Variants in MYO16 observed in about 807,000 individuals in gnomAD.
MYO16 encodes the protein unconventional myosin-XVI.
In MYO16, 94 loss-of-function variants were observed where a neutral mutation model predicts 205.3. The observed-to-expected ratio is 0.46, with a 90% confidence interval of 0.39 to 0.54. The LOEUF is 0.54. Among genes scored for constraint, MYO16 ranks in the 20% least tolerant of loss-of-function variants. MYO16 has a pLI of 0.00. For missense variants in MYO16, 2,315 were observed against 2,387.5 expected (o/e 0.97, Z 0.63); for synonymous variants, 988 against 954.0 (o/e 1.04, Z -0.66).
At chr13:108,563,504 C>T in the MYO16 span, among the ~76,000 whole-genome samples, 36 of 152,142 alleles carry the variant, frequency 2.4e-4, no homozygotes, top group African/African-American at 8.5e-4. Flanking sequence ...CCCTTCCCAG[C>T]CTCTGATAAC....
rs193124726 is a variant in MYO16 at position 108,685,920 on chromosome 13, C to G, written c.292+19771C>G. On this transcript the variant is annotated intron_variant, in intron 2 of 34. Coordinates refer to ENST00000457511, the MANE Select transcript of MYO16 (RefSeq NM_001198950.3). ...GTATATTGATTGGATTAGAGCCCAC[C>G]CTAATGACCTCAGTGAATTTTCATG... Among the ~76,000 whole-genome samples, 466 of 152,242 alleles carry G rather than the reference C, an allele frequency of 3.1e-3. 4 individuals carry two copies. Among genetic ancestry groups the G allele is most frequent in the African/African-American group, 0.011 (452 of 41,536 alleles).
chr13:108,936,264 A>G (rs1882487657), intron 16 of MYO16, among the ~76,000 whole-genome samples: 1 of 151,502 alleles, frequency 6.6e-6, no homozygotes, highest in Non-Finnish European at 1.5e-5. Context: ...GTCCTTCCTC[A>G]CCAATTTTTT....
intron 6 of MYO16, among the ~76,000 whole-genome samples, chr13:108,805,147 G>A (rs192117242): frequency 1.3e-5 from 2 of 152,270 alleles, no homozygotes; most frequent in African/African-American, 4.8e-5. Context: ...CAGATGAATA[G>A]ATCAATTCTC....
intron 4 of MYO16, among the ~76,000 whole-genome samples, chr13:108,754,941 A>G (rs547525672): frequency 6.6e-6 from 1 of 152,064 alleles, no homozygotes; most frequent in South Asian, 2.1e-4. Flanking sequence ...TAAATACGTA[A>G]TAAGTATGAT....
At chr13:108,742,520 T>C (rs1258606205) in intron 4 of MYO16, among the ~76,000 whole-genome samples, 1 of 152,176 alleles carries the variant, frequency 6.6e-6, no homozygotes, top group Non-Finnish European at 1.5e-5. Flanking sequence ...TTACAGTTTA[T>C]ATAATTTAAT....
the MYO16 span, among the ~76,000 whole-genome samples, chr13:108,565,125 C>T: frequency 6.6e-6 from 1 of 152,118 alleles, no homozygotes; most frequent in East Asian, 1.9e-4. Context: ...GATTTTCTTA[C>T]CTATTCTCTA....
intron 1 of MYO16, among the ~76,000 whole-genome samples, chr13:108,659,681 T>C (rs1881413406): frequency 6.6e-6 from 1 of 152,158 alleles, no homozygotes; most frequent in Non-Finnish European, 1.5e-5. Flanking sequence ...TGCCACATGT[T>C]AAGTGCTGGA....
intron 27 of MYO16, among the ~76,000 whole-genome samples, chr13:109,086,740 A>G (rs915935778): frequency 3.3e-5 from 5 of 152,164 alleles, no homozygotes; most frequent in Non-Finnish European, 5.9e-5. Flanking sequence ...TGGGACTCTG[A>G]TTCTTAATGT....
the MYO16 span, among the ~76,000 whole-genome samples, chr13:108,545,858 C>A: frequency 6.6e-6 from 1 of 152,174 alleles, no homozygotes; most frequent in Admixed American, 6.5e-5. Flanking sequence ...TTAATACTTA[C>A]TGTGTGCTTG....
At chr13:108,577,528 C>G in the MYO16 span, among the ~76,000 whole-genome samples, 1 of 152,204 alleles carries the variant, frequency 6.6e-6, no homozygotes, top group Non-Finnish European at 1.5e-5. Flanking sequence ...ACACCACATC[C>G]AACTCTTCCT....
At chr13:108,969,216 T>C (rs1254092526) in intron 20 of MYO16, among the ~76,000 whole-genome samples, 1 of 152,260 alleles carries the variant, frequency 6.6e-6, no homozygotes, top group African/African-American at 2.4e-5. Flanking sequence ...TCACATTAAA[T>C]TGATCACATT....
intron 20 of MYO16, among the ~76,000 whole-genome samples, chr13:108,967,062 A>G (rs576880271): frequency 1.3e-5 from 2 of 152,266 alleles, no homozygotes; most frequent in Admixed American, 6.5e-5. Flanking sequence ...ATATATATAC[A>G]CACAGTAAAT....
chr13:108,787,993 T>C (rs543889695), intron 5 of MYO16, among the ~76,000 whole-genome samples: 72 of 152,280 alleles, frequency 4.7e-4, no homozygotes, highest in Admixed American at 2.7e-3. Context: ...CAGTTATCTA[T>C]TGTGACAGCA....
intron 31 of MYO16, among the ~76,000 whole-genome samples, chr13:109,132,822 T>A (rs986606867): frequency 3.3e-5 from 5 of 152,204 alleles, no homozygotes; most frequent in Admixed American, 6.5e-5. Context: ...TAATTAAGTG[T>A]CTTCCATGAG....
At chr13:108,886,404 G>A (rs531748261) in intron 13 of MYO16, 147 of 456,026 alleles carry the variant, frequency 3.2e-4, no homozygotes, top group African/African-American at 2.4e-3. Context: ...TCCTTAGCTC[G>A]GCTACGTCCA....
chr13:108,809,803 G>A (rs529746886), intron 7 of MYO16, among the ~76,000 whole-genome samples: 9 of 152,288 alleles, frequency 5.9e-5, no homozygotes, highest in African/African-American at 2.2e-4. Context: ...CCTTCTCACT[G>A]GAATAGAAAG....
intron 2 of MYO16, among the ~76,000 whole-genome samples, chr13:108,711,177 C>T (rs113320587): frequency 3.3e-5 from 5 of 152,298 alleles, no homozygotes; most frequent in Middle Eastern, 3.4e-3. Context: ...GAAAGATGGC[C>T]TTGGCCTCCT....
chr13:108,705,602 G>A (rs145255105), intron 2 of MYO16, among the ~76,000 whole-genome samples: 322 of 152,218 alleles, frequency 2.1e-3, no homozygotes, highest in Middle Eastern at 0.014. Context: ...TGTGTGTATA[G>A]GAAAATCATA....
chr13:109,160,464 G>T (rs1878327124), intron 32 of MYO16, among the ~76,000 whole-genome samples: 1 of 152,116 alleles, frequency 6.6e-6, no homozygotes, highest in Non-Finnish European at 1.5e-5. Context: ...ATAGCACCGA[G>T]CCCGAGGTCA....
Sources: allele counts gnomAD v4.1 joint callset (sites outside exome capture counted in the v4.1 genomes callset), GRCh38; gene constraint gnomAD v4.1.1; transcripts MANE v1.5; gene names NCBI Gene and HGNC (gene_info 2026-07-23, HGNC 2026-07-21).